ADARB1: variants seen among roughly 807,000 people sequenced by gnomAD.
ADARB1 encodes adenosine deaminase RNA specific B1.
In ADARB1, 10 loss-of-function variants were observed where a neutral mutation model predicts 52.4. That is an observed-to-expected ratio of 0.19 (90% CI 0.12 to 0.32). ADARB1 has a LOEUF of 0.32. Among genes scored for constraint, ADARB1 ranks in the 10% least tolerant of loss-of-function variants. ADARB1 has a pLI of 1.00. For synonymous variants in ADARB1, 349 were observed against 371.1 expected (o/e 0.94, Z 0.68); for missense variants, 643 against 922.3 (o/e 0.70, Z 3.92).
At chr21:45,119,362 C>G (rs1355554339) in intron 1 of ADARB1, among the ~76,000 whole-genome samples, 1 of 152,230 alleles carries the variant, frequency 6.6e-6, no homozygotes, top group Non-Finnish European at 1.5e-5. Context: ...AAGTGCTGAG[C>G]ACACCACTGT....
In ADARB1 at chr21:45,176,042, A is replaced by C. The variant is rs1299275239; in HGVS notation, c.341A>C (p.Glu114Ala). 6.2e-7 allele frequency: 1 copy of C among 1,614,042 alleles called. No individual in the cohort carries two copies. The highest frequency in any genetic ancestry group is 1.3e-5 in the African/African-American group (1 of 74,992). The change falls in exon 4 of 11, where the codon GAG becomes GCG. Residue 114 changes from glutamate (E) to alanine (A), a missense_variant. Glu to Ala is a moderately radical substitution (Grantham distance 107, BLOSUM62 -1). This residue lies in a region of ADARB1 where 380 missense variants were observed against 446.5 expected (regional missense o/e 0.85). Transcript: ENST00000348831. This position sits in a 1 kb window ranked among gnomAD's most constrained non-coding sequence, Gnocchi z 5.8. ...GCGCCTTTGTTTGTCATGTCTGTGG[A>C]GGTGAATGGCCAGGTTTTTGAGGGC... ...VHAPLFVMSV[E>A]VNGQVFEGSG...
At chr21:45,141,665 C>T (rs371552206) in intron 2 of ADARB1, among the ~76,000 whole-genome samples, 16 of 152,164 alleles carry the variant, frequency 1.1e-4, no homozygotes, top group African/African-American at 3.9e-4. Flanking sequence ...ACCCCAGGGA[C>T]ACCTTAGCCT....
intron 1 of ADARB1, among the ~76,000 whole-genome samples, chr21:45,115,917 G>T (rs1208884899): frequency 1.3e-5 from 2 of 152,136 alleles, no homozygotes; most frequent in Non-Finnish European, 2.9e-5. Context: ...TCTTTTAAGG[G>T]TATTTCTTCC....
chr21:45,094,569 A>C (rs147509830), intron 1 of ADARB1, among the ~76,000 whole-genome samples: 1 of 152,216 alleles, frequency 6.6e-6, no homozygotes, highest in African/African-American at 2.4e-5. Context: ...AGCAGCCCCG[A>C]GCACTATGTC....
intron 1 of ADARB1, among the ~76,000 whole-genome samples, chr21:45,116,397 A>G (rs1264659472): frequency 6.6e-6 from 1 of 152,244 alleles, no homozygotes; most frequent in Non-Finnish European, 1.5e-5. Flanking sequence ...TTTATTTAGA[A>G]ACAGTATGCT....
intron 9 of ADARB1, among the ~76,000 whole-genome samples, chr21:45,207,445 G>A (rs149027593): frequency 2.2e-4 from 33 of 152,314 alleles, no homozygotes; most frequent in Non-Finnish European, 3.4e-4. Context: ...CAGAATTGAA[G>A]CCGAAGGCAA....
At position 45,221,970 on chromosome 21, in the gene ADARB1, A is replaced by T; in HGVS notation, c.1927-48A>T. On this transcript the variant is annotated intron_variant, in intron 10 of 10. Transcript: ENST00000348831. This position sits in a 1 kb window ranked among gnomAD's most constrained non-coding sequence, Gnocchi z 4.9. Reference sequence around the variant, plus strand: ...TGGTATCTTATTAGGTGTTGTTTTCATCTGTTACAGCGTCAACAGTTGCAT... The same window carrying T: ...TGGTATCTTATTAGGTGTTGTTTTCTTCTGTTACAGCGTCAACAGTTGCAT... 1 of 1,584,512 alleles carries T rather than the reference A, an allele frequency of 6.3e-7. No homozygotes were observed. The highest frequency in any genetic ancestry group is 8.6e-7 in the Non-Finnish European group (1 of 1,156,888).
chr21:45,077,357 T>A (rs1367389369), intron 1 of ADARB1, among the ~76,000 whole-genome samples: 1 of 152,096 alleles, frequency 6.6e-6, no homozygotes, highest in Non-Finnish European at 1.5e-5. Context: ...CTCAGAGAGG[T>A]CCAATTTTAT....
intron 2 of ADARB1, among the ~76,000 whole-genome samples, chr21:45,144,072 G>C (rs2089886574): frequency 3.3e-5 from 5 of 152,182 alleles, no homozygotes. Context: ...TAAATAGTTA[G>C]ATGAATGAAT....
intron 2 of ADARB1, among the ~76,000 whole-genome samples, chr21:45,160,034 C>T (rs2090882249): frequency 6.6e-6 from 1 of 152,238 alleles, no homozygotes; most frequent in Non-Finnish European, 1.5e-5. Context: ...GGGTGTTTGT[C>T]TAAAGACAAT....
At chr21:45,129,702 G>T (rs1284939028) in intron 2 of ADARB1, among the ~76,000 whole-genome samples, 2 of 152,178 alleles carry the variant, frequency 1.3e-5, no homozygotes, top group Non-Finnish European at 2.9e-5. Context: ...GGACAGATGG[G>T]AGTGGCTGGT....
In ADARB1 at chr21:45,077,599, G is replaced by A. The variant is rs866068708; in HGVS notation, c.-220+2806G>A. 1.8e-4 allele frequency among the ~76,000 whole-genome samples: 28 copies of A among 151,868 alleles called. No individual in the cohort carries two copies. In the East Asian group the frequency reaches 3.3e-3, roughly 18 times the overall value. The stretch of plus-strand genomic sequence containing the variant: ...GGAAAATGGCGTGAACCCAGGAGGC[G>A]GAGCTTGCAATGAGCTGAGACCGTG... On this transcript the variant is annotated intron_variant, in intron 1 of 10. Coordinates refer to ENST00000348831, the MANE Select transcript of ADARB1 (RefSeq NM_001112.4).
chr21:45,100,919 A>C (rs925759328), intron 1 of ADARB1: 3 of 152,464 alleles, frequency 2.0e-5, no homozygotes, highest in Admixed American at 1.3e-4. Flanking sequence ...GGGCCTGCTC[A>C]CTGACGAGTT....
intron 1 of ADARB1, among the ~76,000 whole-genome samples, chr21:45,075,579 G>A (rs1412938579): frequency 6.6e-6 from 1 of 152,248 alleles, no homozygotes; most frequent in Non-Finnish European, 1.5e-5. Flanking sequence ...GGGCAGTTGG[G>A]GGCCCGAGGT....
intron 9 of ADARB1, among the ~76,000 whole-genome samples, chr21:45,219,245 G>C (rs2092920171): frequency 6.6e-6 from 1 of 152,224 alleles, no homozygotes; most frequent in African/African-American, 2.4e-5. Flanking sequence ...CTGAATGGTG[G>C]CTAGGTGTGG....
chr21:45,168,566 G>A (rs1276264832), intron 2 of ADARB1, among the ~76,000 whole-genome samples: 4 of 152,178 alleles, frequency 2.6e-5, no homozygotes, highest in South Asian at 2.1e-4. Flanking sequence ...GCCTCTTCAC[G>A]AAATTGCTTT....
At chr21:45,171,300 A>G (rs1817664823) in intron 2 of ADARB1, among the ~76,000 whole-genome samples, 1 of 152,120 alleles carries the variant, frequency 6.6e-6, no homozygotes, top group African/African-American at 2.4e-5. Context: ...GTCCCTGGGC[A>G]CTGGCCCTGA....
intron 1 of ADARB1, among the ~76,000 whole-genome samples, chr21:45,076,273 C>T (rs991092593): frequency 3.3e-5 from 5 of 152,190 alleles, no homozygotes; most frequent in Non-Finnish European, 7.3e-5. Flanking sequence ...CGCGGTTCCT[C>T]CGGAGGACAG....
chr21:45,132,762 T>A (rs2089033505), intron 2 of ADARB1, among the ~76,000 whole-genome samples: 1 of 151,998 alleles, frequency 6.6e-6, no homozygotes, highest in Admixed American at 6.5e-5. Flanking sequence ...TCAGGAAGAG[T>A]AAAGTGTCTT....
Sources: gnomAD v4.1 joint callset for allele counts (sites outside exome capture counted in the v4.1 genomes callset) on GRCh38, gnomAD v4.1.1 for gene constraint, gnomAD v4.1.1 regional missense constraint, Gnocchi (gnomAD v3.1) non-coding constraint, MANE v1.5 for transcripts, NCBI Gene and HGNC (gene_info 2026-07-23, HGNC 2026-07-21) for gene names.